Variants in WAPL observed in about 807,000 individuals in gnomAD.
The protein encoded by WAPL is WAPL cohesin release factor.
Under a neutral mutation model 121.0 loss-of-function variants are expected in WAPL, and 5 were observed. That is an observed-to-expected ratio of 0.04 (90% CI 0.02 to 0.09). The LOEUF (loss-of-function observed/expected upper bound fraction) is 0.09. WAPL is among the 10% of genes least tolerant of loss of function. WAPL has a pLI of 1.00. For missense variants in WAPL, 999 were observed against 1,410.8 expected (o/e 0.71, Z 4.68); for synonymous variants, 480 against 481.5 (o/e 1.00, Z 0.04).
Position 86,461,197 on chromosome 10 carries a change from G to C in WAPL, c.2461C>G (p.Leu821Val). The C allele has an allele frequency of 6.2e-7, 1 of 1,613,256 alleles. No homozygotes were observed. Among genetic ancestry groups the C allele is most frequent in the Non-Finnish European group, 8.5e-7 (1 of 1,179,630 alleles). ...FKEELRLLGG[L>V]DHIVDKVKEC... Reference sequence around the variant, plus strand: ...ATACCTTTATCTACAATATGATCCAGACCACCCAAAAGCCGGAGTTCTTCT... The same window carrying C: ...ATACCTTTATCTACAATATGATCCACACCACCCAAAAGCCGGAGTTCTTCT... Residue 821 changes from leucine (L) to valine (V), a missense_variant, in exon 10 of 19, where the codon CTG (leucine) becomes GTG (valine). Physicochemically the swap from Leu to Val is conservative, Grantham distance 32. Coordinates refer to ENST00000298767, the MANE Select transcript of WAPL (RefSeq NM_015045.5).
At chr10:86,517,455 C>T in intron 2 of WAPL, 116 bp downstream of exon 2, 2 of 1,355,452 alleles carry the variant, frequency 1.5e-6, no homozygotes. Flanking sequence ...ATCAATGGTC[C>T]CCATGTATCA....
chr10:86,455,210 G>C (rs1257292855), intron 12 of WAPL, among the ~76,000 whole-genome samples: 1 of 152,220 alleles, frequency 6.6e-6, no homozygotes, highest in Non-Finnish European at 1.5e-5. Context: ...ACTGAGAACG[G>C]GCCATGATGA....
At chr10:86,459,271 T>C (rs949031898) in intron 11 of WAPL, among the ~76,000 whole-genome samples, 6 of 152,256 alleles carry the variant, frequency 3.9e-5, no homozygotes, top group Non-Finnish European at 5.9e-5. Context: ...ATCACTGTTA[T>C]ATTCATTCAT....
intron 16 of WAPL, 60 bp from the exon 17 acceptor site, chr10:86,443,423 C>T (rs1849523375): frequency 2.8e-6 from 4 of 1,452,088 alleles, no homozygotes; most frequent in Non-Finnish European, 3.8e-6. Flanking sequence ...CCTCACAAAA[C>T]CAACCATTCT....
Position 86,437,537 on chromosome 10 carries a change from A to T in WAPL, c.*6T>A, listed in dbSNP as rs573486444. ...TTACCGAGCACCTGAAGCAAAGGTA[A>T]AGCAGCTAGCAATGTTCCAAATATT... On this transcript the variant is annotated 3_prime_UTR_variant, in exon 19 of 19. Transcript: ENST00000298767. 3.8e-5 allele frequency: 62 copies of T among 1,613,632 alleles called. No individual in the cohort carries two copies. In the South Asian group the frequency reaches 6.2e-4, roughly 16 times the overall value.
At chr10:86,443,865 T>C (rs2132165414) in intron 16 of WAPL, 1 of 156,184 alleles carries the variant, frequency 6.4e-6, no homozygotes, top group South Asian at 1.9e-4. Flanking sequence ...CCATTAAAAT[T>C]CAAAAACCTT....
At chr10:86,469,044 C>A (rs1282945297) in intron 8 of WAPL, among the ~76,000 whole-genome samples, 7 of 151,902 alleles carry the variant, frequency 4.6e-5, no homozygotes, top group Non-Finnish European at 1.0e-4. Context: ...GCAGAGGCTG[C>A]AGTGAGCCAA....
chr10:86,470,829 G>A (rs1402789057), intron 8 of WAPL, among the ~76,000 whole-genome samples, 163 bp downstream of exon 8: 1 of 152,118 alleles, frequency 6.6e-6, no homozygotes, highest in African/African-American at 2.4e-5. Flanking sequence ...TAAGTATTAA[G>A]CAAAAGCTTC....
chr10:86,454,066 T>C (rs1841070864), intron 12 of WAPL, among the ~76,000 whole-genome samples: 1 of 152,234 alleles, frequency 6.6e-6, no homozygotes, highest in African/African-American at 2.4e-5. Context: ...TTGTCTCGCA[T>C]GTTATTGATC....
intron 11 of WAPL, 82 bp from the exon 12 acceptor site, chr10:86,459,147 A>G: frequency 9.0e-7 from 1 of 1,105,384 alleles, no homozygotes; most frequent in Non-Finnish European, 1.3e-6. Flanking sequence ...CCTGGTGCGT[A>G]AAAGATACAA....
At chr10:86,475,986 C>A (rs1341022068) in intron 4 of WAPL, among the ~76,000 whole-genome samples, 2 of 152,212 alleles carry the variant, frequency 1.3e-5, no homozygotes, top group Non-Finnish European at 2.9e-5. Flanking sequence ...GAGTTCACAA[C>A]AGCCTGGGCA....
intron 9 of WAPL, among the ~76,000 whole-genome samples, chr10:86,462,250 C>T (rs767413412): frequency 9.2e-5 from 14 of 152,094 alleles, no homozygotes; most frequent in Non-Finnish European, 1.3e-4. Flanking sequence ...GGTTTTTCTC[C>T]CTAAGTTTCT....
At chr10:86,506,115 G>T (rs757396360) in intron 2 of WAPL, among the ~76,000 whole-genome samples, 1 of 152,128 alleles carries the variant, frequency 6.6e-6, no homozygotes, top group East Asian at 1.9e-4. Flanking sequence ...CACACCCGTG[G>T]TCCCAACTTC....
intron 17 of WAPL, among the ~76,000 whole-genome samples, chr10:86,440,657 G>A (rs1301803986): frequency 6.6e-6 from 1 of 151,930 alleles, no homozygotes; most frequent in Non-Finnish European, 1.5e-5. Context: ...ATGGGTTTCT[G>A]ATTTGCTCTT....
Position 86,499,945 on chromosome 10 carries a change from T to C in WAPL, c.1298A>G (p.Asp433Gly). The C allele has an allele frequency of 1.2e-6, 2 of 1,614,150 alleles. No homozygotes were observed. Among genetic ancestry groups the C allele is most frequent in the Non-Finnish European group, 1.7e-6 (2 of 1,180,000 alleles). Residue 433 changes from aspartate to glycine, a missense_variant, in exon 3 of 19, where the codon GAT (aspartate) becomes GGT (glycine). Physicochemically the swap from Asp to Gly is moderately conservative, Grantham distance 94. Around this residue, in one of 7 missense-constraint regions of WAPL, gnomAD observed 531 missense variants for 563.1 expected, o/e 0.94. Transcript: ENST00000298767. ...DVKLEFFGFE[D>G]HETGGDEGGS... ...TCCTTCATCACCTCCTGTCTCATGATCTTCAAAACCAAAAAATTCAAGTTT... is the reference window on the plus strand; with the variant it reads ...TCCTTCATCACCTCCTGTCTCATGACCTTCAAAACCAAAAAATTCAAGTTT...
intron 4 of WAPL, among the ~76,000 whole-genome samples, chr10:86,492,314 T>C (rs1448354000): frequency 6.6e-6 from 1 of 152,204 alleles, no homozygotes; most frequent in Non-Finnish European, 1.5e-5. Context: ...AAACTCATCA[T>C]TCTGTAACTC....
intron 3 of WAPL, among the ~76,000 whole-genome samples, chr10:86,498,782 T>C (rs1842194424): frequency 6.6e-6 from 1 of 152,192 alleles, no homozygotes; most frequent in African/African-American, 2.4e-5. Flanking sequence ...ATTTCTTTTG[T>C]TTGTCTCTCA....
chr10:86,453,693 G>A lies in WAPL; in HGVS notation c.2796C>T (p.Ala932=). 1 of 1,608,004 alleles carries A rather than the reference G, an allele frequency of 6.2e-7. No individual in the cohort carries two copies. Among genetic ancestry groups the A allele is most frequent in the Non-Finnish European group, 8.5e-7 (1 of 1,178,672 alleles). Residue 932 remains alanine, a synonymous_variant, in exon 13 of 19, where the codon GCC becomes GCT. Transcript: ENST00000298767. Reference sequence around the variant, plus strand: ...TTAAATTAAGCAACACCCCGATGATGGCCCTCATGCAGTCCTCCACTGCTT... The same window carrying A: ...TTAAATTAAGCAACACCCCGATGATAGCCCTCATGCAGTCCTCCACTGCTT... ...VGKAVEDCMR[A]IIGVLLNLTN... is the part of the protein sequence containing the mutation.
intron 4 of WAPL, among the ~76,000 whole-genome samples, chr10:86,489,615 T>C (rs1017715372): frequency 8.5e-5 from 13 of 152,064 alleles, no homozygotes; most frequent in Non-Finnish European, 1.5e-4. Context: ...TGACAACTAA[T>C]GGAAAGAGGC....
Sources: gnomAD v4.1 joint callset for allele counts (sites outside exome capture counted in the v4.1 genomes callset) on GRCh38, gnomAD v4.1.1 for gene constraint, gnomAD v4.1.1 regional missense constraint, MANE v1.5 for transcripts, NCBI Gene and HGNC (gene_info 2026-07-23, HGNC 2026-07-21) for gene names.